The following SETD4 variants were observed in gnomAD, a reference collection of about 807,000 sequenced individuals.
SETD4 encodes the protein SET domain containing 4.
Under a neutral mutation model 58.3 loss-of-function variants are expected in SETD4, and 46 were observed. The ratio of observed to expected loss-of-function variants is 0.79; its 90% CI spans 0.62 to 1.01. The LOEUF is 1.01. Among genes scored for constraint, SETD4 ranks in the 50% least tolerant of loss-of-function variants. SETD4 has a pLI of 0.00. For synonymous variants in SETD4, 190 were observed against 202.6 expected (o/e 0.94, Z 0.53); for missense variants, 490 against 523.3 (o/e 0.94, Z 0.62).
chr21:36,048,241 A>G (rs2064449607), intron 5 of SETD4, 67 bp downstream of exon 5: 2 of 1,217,096 alleles, frequency 1.6e-6, no homozygotes, highest in African/African-American at 1.5e-5. Flanking sequence ...CTCAAGTGAC[A>G]TATTTGCCAT....
intron 5 of SETD4, among the ~76,000 whole-genome samples, chr21:36,046,531 G>T (rs773627266): frequency 6.6e-6 from 1 of 152,102 alleles, no homozygotes; most frequent in Non-Finnish European, 1.5e-5. Flanking sequence ...TGTTTTAATT[G>T]CACAATAGCC....
chr21:36,053,782 T>C (rs1276844254), intron 3 of SETD4, among the ~76,000 whole-genome samples, 162 bp from the exon 4 acceptor site: 1 of 152,176 alleles, frequency 6.6e-6, no homozygotes, highest in Non-Finnish European at 1.5e-5. Flanking sequence ...GTCAGAAAGC[T>C]ATTCCAGAAA....
At chr21:36,046,871 A>G (rs763902138) in intron 5 of SETD4, among the ~76,000 whole-genome samples, 40 of 152,198 alleles carry the variant, frequency 2.6e-4, no homozygotes, top group Admixed American at 6.5e-4. Context: ...CAATGACAGC[A>G]TCATTGTCTC....
At chr21:36,047,931 G>A (rs1175598901) in intron 5 of SETD4, among the ~76,000 whole-genome samples, 3 of 151,712 alleles carry the variant, frequency 2.0e-5, no homozygotes, top group Admixed American at 6.6e-5. Context: ...ACTTGAACCT[G>A]GGAGGCAGTG....
rs553530733 is a variant in SETD4, at chr21:36,052,259, C to G, written c.207+1324G>C. On this transcript the variant is annotated intron_variant, in intron 4 of 11. Coordinates refer to ENST00000332131, the MANE Select transcript of SETD4 (RefSeq NM_017438.5). ...ACAACATTTTTAAAAAGTAAAATTA[C>G]TTTTGGGCCAGGCATAGTGCCTCAT... Among the ~76,000 whole-genome samples the G allele has an allele frequency of 1.8e-4, 27 of 151,964 alleles. No homozygotes were observed. In the South Asian group the frequency reaches 5.6e-3, roughly 32 times the overall value.
chr21:36,054,554 T>A (rs565804436), intron 3 of SETD4, among the ~76,000 whole-genome samples: 1 of 152,232 alleles, frequency 6.6e-6, no homozygotes, highest in Non-Finnish European at 1.5e-5. Context: ...AAGTCCTCCA[T>A]CAGTTTCCCG....
Position 36,045,730 on chromosome 21 carries a change from C to A in SETD4, c.578G>T (p.Ser193Ile). The A allele has an allele frequency of 6.2e-7, 1 of 1,614,200 alleles. No individual in the cohort carries two copies. Among genetic ancestry groups the A allele is most frequent in the Non-Finnish European group, 8.5e-7 (1 of 1,180,050 alleles). ...LFAEAVDSIFSYSALLWAWCT... is the reference protein window; with the variant it reads ...LFAEAVDSIFIYSALLWAWCT... The stretch of plus-strand genomic sequence containing the variant: ...CCAAGCCCACAGCAGGGCACTGTAG[C>A]TGAAGATGCTGTCAACAGCCTCCGC... Residue 193 changes from serine (S) to isoleucine (I), a missense_variant, in exon 6 of 12, where the codon AGC (serine) becomes ATC (isoleucine). By Grantham distance (142) the Ser-to-Ile change is moderately radical. Transcript: ENST00000332131.
intron 8 of SETD4, 127 bp from the exon 9 acceptor site, chr21:36,040,782 C>A: frequency 1.3e-6 from 1 of 741,286 alleles, no homozygotes; most frequent in Non-Finnish European, 2.3e-6. Context: ...GCAACCTCGG[C>A]CAAAGGACAA....
At chr21:36,058,368 G>C (rs922015139) in intron 2 of SETD4, among the ~76,000 whole-genome samples, 2 of 152,072 alleles carry the variant, frequency 1.3e-5, no homozygotes, top group African/African-American at 4.8e-5. Flanking sequence ...GGGTGCAGTG[G>C]CATGTACCTG....
At chr21:36,052,743 T>C (rs1028736990) in intron 4 of SETD4, among the ~76,000 whole-genome samples, 9 of 152,176 alleles carry the variant, frequency 5.9e-5, no homozygotes, top group Non-Finnish European at 1.2e-4. Context: ...ATCTTTAAAA[T>C]AGCATTGGAA....
intron 8 of SETD4, among the ~76,000 whole-genome samples, chr21:36,041,321 C>T (rs1265400999): frequency 2.0e-5 from 3 of 152,204 alleles, no homozygotes; most frequent in African/African-American, 7.2e-5. Flanking sequence ...GCTGCTCTCA[C>T]ACCATGGCGG....
At chr21:36,051,477 C>G in intron 4 of SETD4, 1 of 1,354,774 alleles carries the variant, frequency 7.4e-7, no homozygotes, top group Non-Finnish European at 9.5e-7. Context: ...GGAGGATGCT[C>G]AGGAAGATGA....
At chr21:36,052,079 C>T (rs1007968473) in intron 4 of SETD4, among the ~76,000 whole-genome samples, 5 of 151,772 alleles carry the variant, frequency 3.3e-5, no homozygotes, top group Non-Finnish European at 1.5e-5. Flanking sequence ...AATAGAATTA[C>T]AACATTAAAA....
At chr21:36,048,674 G>A (rs928549917) in intron 4 of SETD4, among the ~76,000 whole-genome samples, 8 of 151,786 alleles carry the variant, frequency 5.3e-5, no homozygotes, top group Admixed American at 4.6e-4. Flanking sequence ...ACCAGAATGA[G>A]TGGTGGAAAC....
chr21:36,043,873 G>A lies in SETD4; in HGVS notation c.810C>T (p.Ile270=), dbSNP rs749145826. 15 of 1,614,088 alleles carry A rather than the reference G, an allele frequency of 9.3e-6. No individual in the cohort carries two copies. The highest frequency in any genetic ancestry group is 5.5e-5 in the South Asian group (5 of 91,094). ...GTTGATTATCGTGAGGGCCGTAACA[G>A]ATGAATACCTCTTCATGCTTTCTCC... ...SRWRKHEEVF[I]CYGPHDNQRL... is the part of the protein sequence containing the mutation. The change falls in exon 7 of 12, where the codon ATC becomes ATT. Residue 270 remains isoleucine, a synonymous_variant. Coordinates refer to ENST00000332131, the MANE Select transcript of SETD4 (RefSeq NM_017438.5).
intron 9 of SETD4, among the ~76,000 whole-genome samples, chr21:36,039,213 G>C (rs537357515): frequency 2.6e-5 from 4 of 152,242 alleles, no homozygotes; most frequent in African/African-American, 9.6e-5. Context: ...CAGTTACCTA[G>C]CAAAGAAAGC....
Position 36,047,780 on chromosome 21 carries a change from G to A in SETD4, c.296+528C>T, listed in dbSNP as rs2064404986. ...CTGAGGCGAGTGGATCACAAGGTCAGGAGCTCAAGACGAGCCTGGCCAAAA... is the reference window on the plus strand; with the variant it reads ...CTGAGGCGAGTGGATCACAAGGTCAAGAGCTCAAGACGAGCCTGGCCAAAA... On this transcript the variant is annotated intron_variant, in intron 5 of 11. Transcript: ENST00000332131. 2.0e-5 allele frequency among the ~76,000 whole-genome samples: 3 copies of A among 147,036 alleles called. No individual in the cohort carries two copies. The South Asian group carries it at 6.6e-4, about 32-fold the overall frequency.
chr21:36,036,943 C>T (rs754250525), intron 10 of SETD4, among the ~76,000 whole-genome samples: 1 of 152,180 alleles, frequency 6.6e-6, no homozygotes, highest in Non-Finnish European at 1.5e-5. Flanking sequence ...ACCAATATTG[C>T]ATGATCTCAC....
At chr21:36,055,565 C>CT (rs1162040050) in intron 3 of SETD4, among the ~76,000 whole-genome samples, 1 of 152,210 alleles carries the variant, frequency 6.6e-6, no homozygotes, top group African/African-American at 2.4e-5. Context: ...CCTCCACAAA[C>CT]TAAGATGAAT....
Sources: allele counts gnomAD v4.1 joint callset (sites outside exome capture counted in the v4.1 genomes callset), GRCh38; gene constraint gnomAD v4.1.1; transcripts MANE v1.5; gene names NCBI Gene and HGNC (gene_info 2026-07-23, HGNC 2026-07-21).